The following SHANK2 variants were observed in gnomAD, a reference collection of about 807,000 sequenced individuals.
The protein encoded by SHANK2 is SH3 and multiple ankyrin repeat domains protein 2.
A neutral mutation model predicts 133.7 loss-of-function variants in SHANK2; 43 were observed. That is an observed-to-expected ratio of 0.32 (90% CI 0.25 to 0.41). The LOEUF (loss-of-function observed/expected upper bound fraction) is 0.41. Ranked by LOEUF, SHANK2 falls within the 10% of genes least tolerant of loss-of-function variation. SHANK2 has a pLI of 1.00. For missense variants in SHANK2, 1,994 were observed against 2,235.8 expected, an observed-to-expected ratio of 0.89 and a Z score of 2.18; for synonymous variants, 1,017 against 952.8, an observed-to-expected ratio of 1.07 and a Z score of -1.24.
intron 17 of SHANK2, among the ~76,000 whole-genome samples, chr11:70,587,277 T>G (rs113868258): frequency 4.6e-5 from 7 of 152,212 alleles, no homozygotes; most frequent in African/African-American, 1.7e-4. Context: ...TGCCAGTCCC[T>G]CCTCTAAATG....
chr11:70,699,154 G>A (rs1225378951), intron 14 of SHANK2, among the ~76,000 whole-genome samples: 2 of 151,930 alleles, frequency 1.3e-5, no homozygotes, highest in African/African-American at 4.8e-5. Flanking sequence ...GTGCTGCTGA[G>A]CCTTCCAGCA....
intron 10 of SHANK2, among the ~76,000 whole-genome samples, chr11:70,952,380 T>C (rs1263761695): frequency 6.6e-6 from 1 of 152,194 alleles, no homozygotes; most frequent in Non-Finnish European, 1.5e-5. Flanking sequence ...ACACAAAACC[T>C]TTCCAAGGGT....
rs542109742 is a variant in SHANK2, at chr11:71,252,005, C to T, written c.-113+420G>A. ...GTCCTAGGGCTGGCGGGCGGTGACC[C>T]GGGGCAAGGAGACCCCGGGAGAGCG... On this transcript the variant is annotated intron_variant, in intron 1 of 25. Transcript: ENST00000601538. This position sits in a 1 kb window ranked among gnomAD's most constrained non-coding sequence, Gnocchi z 6.3. 2.4e-3 allele frequency among the ~76,000 whole-genome samples: 358 copies of T among 152,206 alleles called. 3 individuals are homozygous for T. Among genetic ancestry groups the T allele is most frequent in the African/African-American group, 8.0e-3 (334 of 41,572 alleles).
intron 3 of SHANK2, among the ~76,000 whole-genome samples, chr11:71,122,962 A>T (rs372335729): frequency 1.3e-5 from 2 of 151,936 alleles, no homozygotes; most frequent in South Asian, 2.1e-4. Flanking sequence ...CGTGTGAATC[A>T]CCTGCCACTA....
chr11:70,690,516 TTTTTTG>T (rs1945262374), intron 15 of SHANK2, among the ~76,000 whole-genome samples: 9 of 127,700 alleles, frequency 7.0e-5, no homozygotes, highest in African/African-American at 3.0e-4. Flanking sequence ...TTTTTTTTTT[TTTTTTG>T]GTGTCTATGC....
chr11:70,837,845 G>C (rs1389697409), intron 11 of SHANK2, among the ~76,000 whole-genome samples: 1 of 151,816 alleles, frequency 6.6e-6, no homozygotes, highest in Admixed American at 6.6e-5. Flanking sequence ...GCATGGTGGT[G>C]TGCCTGTCAT....
At chr11:71,197,874 G>A (rs75192411) in intron 2 of SHANK2, among the ~76,000 whole-genome samples, 4,640 of 152,178 alleles carry the variant, frequency 0.03, 105 homozygotes, top group African/African-American at 0.062. Context: ...TCAGCCCCAC[G>A]GAAAGGGCAT....
At chr11:70,643,451 C>A (rs1555007085) in intron 17 of SHANK2, among the ~76,000 whole-genome samples, 1 of 151,800 alleles carries the variant, frequency 6.6e-6, no homozygotes, top group East Asian at 1.9e-4. Context: ...GTAGTCCCAG[C>A]TCCTCAGGAG....
intron 2 of SHANK2, among the ~76,000 whole-genome samples, chr11:71,152,061 A>G (rs1192008372): frequency 6.8e-6 from 1 of 147,962 alleles, no homozygotes; most frequent in Non-Finnish European, 1.5e-5. Context: ...TATCTTTTAG[A>G]TATGTCAGAT....
chr11:70,492,611 C>T, intron 21 of SHANK2, 146 bp from the exon 22 acceptor site: 2 of 1,082,528 alleles, frequency 1.8e-6, no homozygotes, highest in Non-Finnish European at 2.7e-6. Context: ...ATGCGTGTGC[C>T]TCTGCCACAT....
At chr11:71,127,590 C>T (rs1416108807) in intron 3 of SHANK2, among the ~76,000 whole-genome samples, 1 of 152,170 alleles carries the variant, frequency 6.6e-6, no homozygotes, top group Non-Finnish European at 1.5e-5. Context: ...ACATTACAGG[C>T]CACTGAAGAT....
intron 2 of SHANK2, among the ~76,000 whole-genome samples, chr11:71,213,231 C>T (rs529457711): frequency 6.6e-6 from 1 of 152,232 alleles, no homozygotes; most frequent in Admixed American, 6.5e-5. Context: ...CAGGGAGGCT[C>T]TCACAACAGA....
chr11:70,925,749 C>G (rs943808989), intron 10 of SHANK2, among the ~76,000 whole-genome samples: 4 of 152,130 alleles, frequency 2.6e-5, no homozygotes, highest in Non-Finnish European at 5.9e-5. Context: ...GCACTAACTT[C>G]TTATTGTCCA....
intron 6 of SHANK2, among the ~76,000 whole-genome samples, chr11:71,103,848 C>A (rs1306853442): frequency 9.1e-6 from 1 of 109,966 alleles, no homozygotes; most frequent in Non-Finnish European, 1.8e-5. Context: ...CTCCCTCCCT[C>A]CCCCCCTCCC....
chr11:71,109,718 C>T (rs782807843), intron 6 of SHANK2, among the ~76,000 whole-genome samples: 3 of 152,264 alleles, frequency 2.0e-5, no homozygotes, highest in Non-Finnish European at 4.4e-5. Flanking sequence ...GAACACCTGC[C>T]GTGCTCCAGG....
At chr11:71,107,243 A>AGCACGCAGGCATTCTTCCCT (rs1951815701) in intron 6 of SHANK2, among the ~76,000 whole-genome samples, 1 of 152,158 alleles carries the variant, frequency 6.6e-6, no homozygotes, top group Non-Finnish European at 1.5e-5. Context: ...CCCGTAAGGA[A>AGCACGCAGGCATTCTTCCCT]GCACGCAGGC....
intron 17 of SHANK2, among the ~76,000 whole-genome samples, chr11:70,610,160 T>C (rs2060640191): frequency 6.6e-6 from 1 of 151,408 alleles, no homozygotes; most frequent in South Asian, 2.1e-4. Flanking sequence ...ACTGAATTAT[T>C]CCCCCTTTAA....
At chr11:71,216,601 G>A (rs940051433) in intron 2 of SHANK2, among the ~76,000 whole-genome samples, 7 of 152,278 alleles carry the variant, frequency 4.6e-5, no homozygotes, top group East Asian at 1.9e-4. Flanking sequence ...ATACAGCCAC[G>A]TGCTGCTGTC....
chr11:70,758,453 T>A (rs1946920674), intron 14 of SHANK2, among the ~76,000 whole-genome samples: 1 of 152,204 alleles, frequency 6.6e-6, no homozygotes, highest in East Asian at 1.9e-4. Context: ...CCATTGCTGC[T>A]CCCAATTGGG....
Sources: gnomAD v4.1 joint callset for allele counts (sites outside exome capture counted in the v4.1 genomes callset) on GRCh38, gnomAD v4.1.1 for gene constraint, Gnocchi (gnomAD v3.1) non-coding constraint, MANE v1.5 for transcripts, NCBI Gene and HGNC (gene_info 2026-07-23, HGNC 2026-07-21) for gene names.